BAZ2B: variants seen among roughly 807,000 people sequenced by gnomAD.
BAZ2B encodes bromodomain adjacent to zinc finger domain protein 2B.
Under a neutral mutation model 246.0 loss-of-function variants are expected in BAZ2B, and 91 were observed. The ratio of observed to expected loss-of-function variants is 0.37; its 90% CI spans 0.31 to 0.44. BAZ2B has a LOEUF of 0.44. Among genes scored for constraint, BAZ2B ranks in the 20% least tolerant of loss-of-function variants. The pLI is 1.00. For missense variants in BAZ2B, 2,332 were observed against 2,533.7 expected, an observed-to-expected ratio of 0.92 and a Z score of 1.71; for synonymous variants, 855 against 860.0, an observed-to-expected ratio of 0.99 and a Z score of 0.10.
At chr2:159,662,797 G>T in the BAZ2B span, among the ~76,000 whole-genome samples, 1 of 152,000 alleles carries the variant, frequency 6.6e-6, no homozygotes, top group African/African-American at 2.4e-5. Flanking sequence ...CTCCCAAAGT[G>T]CTGGGATTAC....
intron 25 of BAZ2B, 54 bp from the exon 26 acceptor site, chr2:159,374,807 AT>A: frequency 6.7e-7 from 1 of 1,496,078 alleles, no homozygotes; most frequent in Non-Finnish European, 9.3e-7. Flanking sequence ...TATTTATTCA[AT>A]CAGTAAATAT....
chr2:159,651,397 C>T, the BAZ2B span, among the ~76,000 whole-genome samples: 7 of 152,152 alleles, frequency 4.6e-5, no homozygotes, highest in South Asian at 2.1e-4. Flanking sequence ...TTTCTCATCC[C>T]GGCTCTCTCC....
chr2:159,502,167 A>G lies in BAZ2B; in HGVS notation c.-2-23446T>C, dbSNP rs144754424. ...AGAACTATGGGTAGGTTGGGGGAAA[A>G]TGAAGAGTGACTGCTAATGGATATT... On this transcript the variant is annotated intron_variant, in intron 2 of 36. Coordinates refer to ENST00000392783, the MANE Select transcript of BAZ2B (RefSeq NM_013450.4). 5.1e-3 allele frequency among the ~76,000 whole-genome samples: 778 copies of G among 152,244 alleles called. 12 individuals are homozygous for G. In the Middle Eastern group the frequency reaches 0.071, roughly 14 times the overall value.
intron 27 of BAZ2B, among the ~76,000 whole-genome samples, chr2:159,362,886 G>A (rs1484428794): frequency 7.1e-6 from 1 of 140,770 alleles, no homozygotes; most frequent in Non-Finnish European, 1.6e-5. Flanking sequence ...AAGGGAAGGT[G>A]GGGCAAATTC....
At chr2:159,519,131 G>C (rs2083754909) in intron 2 of BAZ2B, among the ~76,000 whole-genome samples, 1 of 149,212 alleles carries the variant, frequency 6.7e-6, no homozygotes, top group African/African-American at 2.5e-5. Context: ...TTCTTATCTG[G>C]ATCTTTAAAC....
chr2:159,594,621 A>G (rs1424276429), intron 1 of BAZ2B, among the ~76,000 whole-genome samples: 1 of 125,478 alleles, frequency 8.0e-6, no homozygotes, highest in Non-Finnish European at 1.6e-5. Context: ...AAATTGAGTC[A>G]TTATTTTGAC....
the BAZ2B span, among the ~76,000 whole-genome samples, chr2:159,648,156 GAGAA>G: frequency 8.2e-3 from 1,241 of 151,678 alleles, 10 homozygotes; most frequent in Non-Finnish European, 0.013. Context: ...TTTATTTTTT[GAGAA>G]AGAGTCTCAC....
chr2:159,707,918 G>A, the BAZ2B span, among the ~76,000 whole-genome samples: 1 of 152,160 alleles, frequency 6.6e-6, no homozygotes, highest in Non-Finnish European at 1.5e-5. Context: ...TTGAACCTGG[G>A]AGGTGGAGGT....
At chr2:159,351,064 A>AATT (rs1218417459) in intron 27 of BAZ2B, among the ~76,000 whole-genome samples, 1 of 152,122 alleles carries the variant, frequency 6.6e-6, no homozygotes, top group East Asian at 1.9e-4. Flanking sequence ...TAATAATAAT[A>AATT]ATAAAAAATT....
chr2:159,518,797 C>G (rs760751747), intron 2 of BAZ2B, among the ~76,000 whole-genome samples: 7 of 152,126 alleles, frequency 4.6e-5, no homozygotes, highest in Admixed American at 4.6e-4. Flanking sequence ...AGGTCTTGCA[C>G]AAGTCTATGA....
At chr2:159,614,723 A>T (rs1695502825) in intron 1 of BAZ2B, among the ~76,000 whole-genome samples, 1 of 152,212 alleles carries the variant, frequency 6.6e-6, no homozygotes, top group African/African-American at 2.4e-5. Context: ...CAAAACATAC[A>T]ATACGCAGAC....
chr2:159,439,053 C>A lies in BAZ2B; in HGVS notation c.856G>T (p.Asp286Tyr). The A allele has an allele frequency of 6.2e-7, 1 of 1,613,752 alleles. No homozygotes were observed. Among genetic ancestry groups the A allele is most frequent in the Non-Finnish European group, 8.5e-7 (1 of 1,179,922 alleles). The part of the protein sequence containing the change: ...DQSIEESEDD[D>Y]SDSESEAQHK... ...TGTGCTTCACTCTCTGAATCAGAAT[C>A]ATCATCTTCACTTTCTTCAATACTT... Residue 286 changes from aspartate (D) to tyrosine (Y), a missense_variant, in exon 7 of 37, where the codon GAT (aspartate) becomes TAT (tyrosine). By Grantham distance (160) the Asp-to-Tyr change is radical. Transcript: ENST00000392783.
In BAZ2B at chr2:159,596,767, T is replaced by C. The variant is rs145852201; in HGVS notation, c.-46+19475A>G. 1.1e-3 allele frequency among the ~76,000 whole-genome samples: 165 copies of C among 152,350 alleles called. 1 individual carries two copies. The East Asian group carries it at 0.014, about 13-fold the overall frequency. Reference sequence around the variant, plus strand: ...CGTATCATAACTTAGCTCCCACTTATGAGTGAGAACATACGATGTTTGGTT... The same window carrying C: ...CGTATCATAACTTAGCTCCCACTTACGAGTGAGAACATACGATGTTTGGTT... On this transcript the variant is annotated intron_variant, in intron 1 of 36. Coordinates refer to ENST00000392783, the MANE Select transcript of BAZ2B (RefSeq NM_013450.4).
At chr2:159,535,698 TACA>T (rs2085895906) in intron 2 of BAZ2B, among the ~76,000 whole-genome samples, 3 of 152,196 alleles carry the variant, frequency 2.0e-5, no homozygotes, top group Non-Finnish European at 4.4e-5. Flanking sequence ...CCTATAAAAA[TACA>T]ACTTCAGATA....
intron 1 of BAZ2B, among the ~76,000 whole-genome samples, chr2:159,569,606 C>G (rs1683460250): frequency 6.6e-6 from 1 of 152,058 alleles, no homozygotes. Flanking sequence ...TAAAAATGTA[C>G]TTTTTAGATT....
intron 1 of BAZ2B, among the ~76,000 whole-genome samples, chr2:159,614,150 T>C (rs1360625712): frequency 6.6e-6 from 1 of 152,204 alleles, no homozygotes. Flanking sequence ...TCCCATTCAA[T>C]ATACAGTGCC....
chr2:159,481,767 G>C (rs952222377), intron 2 of BAZ2B, among the ~76,000 whole-genome samples: 1 of 150,938 alleles, frequency 6.6e-6, no homozygotes, highest in African/African-American at 2.4e-5. Context: ...TTCATCAAAA[G>C]TGTCACAGTC....
At chr2:159,462,911 TCCATCTA>T in intron 3 of BAZ2B, 1 of 1,557,694 alleles carries the variant, frequency 6.4e-7, no homozygotes, top group Non-Finnish European at 8.9e-7. Flanking sequence ...ACTTCAGACC[TCCATCTA>T]CTTGTTTTGG....
At chr2:159,566,416 G>A (rs1682608310) in intron 1 of BAZ2B, among the ~76,000 whole-genome samples, 1 of 152,166 alleles carries the variant, frequency 6.6e-6, no homozygotes, top group Non-Finnish European at 1.5e-5. Context: ...ATTAATCACA[G>A]TTAGATTTAG....
Sources: gnomAD v4.1 joint callset for allele counts (sites outside exome capture counted in the v4.1 genomes callset) on GRCh38, gnomAD v4.1.1 for gene constraint, MANE v1.5 for transcripts, NCBI Gene and HGNC (gene_info 2026-07-23, HGNC 2026-07-21) for gene names.